The following BCAT1 variants were observed in gnomAD, a reference collection of about 807,000 sequenced individuals.
The protein encoded by BCAT1 is branched-chain-amino-acid aminotransferase, cytosolic.
BCAT1 carries 48 observed loss-of-function variants against 52.4 expected under a neutral mutation model. The observed-to-expected ratio is 0.92, with a 90% CI of 0.73 to 1.16. BCAT1 has a LOEUF of 1.16. Ranked by LOEUF, BCAT1 falls within the 50% of genes most tolerant of loss-of-function variation. BCAT1 has a pLI of 0.00. For synonymous variants in BCAT1, 167 were observed against 161.3 expected, an observed-to-expected ratio of 1.04 and a Z score of -0.27; for missense variants, 451 against 457.1, an observed-to-expected ratio of 0.99 and a Z score of 0.12.
chr12:24,815,892 T>C lies in BCAT1; in HGVS notation c.*2116A>G, dbSNP rs1434134390. 1 of 152,174 alleles carries C rather than the reference T, an allele frequency of 6.6e-6. No individual in the cohort carries two copies. Among genetic ancestry groups the C allele is most frequent in the African/African-American group, 2.4e-5 (1 of 41,436 alleles). The allele number at this position is 152,174 out of a possible 1,614,324, so 9.4% of individuals were successfully genotyped here. ...TTCTCATTTCTCATAGGAATAGAAATTTAGTTACTATGTACCACTAGACAG... is the reference window on the plus strand; with the variant it reads ...TTCTCATTTCTCATAGGAATAGAAACTTAGTTACTATGTACCACTAGACAG... On this transcript the variant is annotated 3_prime_UTR_variant, in exon 11 of 11. Coordinates refer to ENST00000261192, the MANE Select transcript of BCAT1 (RefSeq NM_005504.7).
At chr12:24,912,498 T>C (rs899407570) in intron 1 of BCAT1, among the ~76,000 whole-genome samples, 2 of 152,056 alleles carry the variant, frequency 1.3e-5, no homozygotes, top group Admixed American at 1.3e-4. Context: ...CCAGCCTGGG[T>C]GACAGAGTGA....
intron 1 of BCAT1, chr12:24,945,809 G>T (rs2139771029): frequency 6.6e-6 from 1 of 152,236 alleles, no homozygotes; most frequent in Non-Finnish European, 1.5e-5. Context: ...GAACAACACA[G>T]TGAGATTCTG....
intron 1 of BCAT1, among the ~76,000 whole-genome samples, chr12:24,933,704 A>G (rs927114955): frequency 2.0e-5 from 3 of 152,082 alleles, no homozygotes; most frequent in South Asian, 2.1e-4. Flanking sequence ...CAGAACAGAC[A>G]CACACAGGGA....
At chr12:24,860,458 T>C (rs957393441) in intron 5 of BCAT1, among the ~76,000 whole-genome samples, 2 of 152,212 alleles carry the variant, frequency 1.3e-5, no homozygotes, top group Non-Finnish European at 2.9e-5. Flanking sequence ...TGAGAAAACT[T>C]TGGAGCATAT....
intron 5 of BCAT1, among the ~76,000 whole-genome samples, chr12:24,860,919 A>C (rs537807839): frequency 1.5e-4 from 23 of 152,336 alleles, no homozygotes; most frequent in African/African-American, 5.3e-4. Flanking sequence ...CTTATGGAAC[A>C]AAGTTACATC....
At chr12:24,890,674 T>C (rs1390079593) in intron 3 of BCAT1, among the ~76,000 whole-genome samples, 1 of 152,114 alleles carries the variant, frequency 6.6e-6, no homozygotes, top group Non-Finnish European at 1.5e-5. Context: ...AACCCTCAGT[T>C]CCAGGAATTG....
At position 24,829,874 on chromosome 12, in the gene BCAT1, C is replaced by T. The variant is rs1159296877; in HGVS notation, c.1068G>A (p.Glu356=). 2 of 1,611,050 alleles carry T rather than the reference C, an allele frequency of 1.2e-6. No homozygotes were observed. Among genetic ancestry groups the T allele is most frequent in the Admixed American group, 3.3e-5 (2 of 59,780 alleles). The change falls in exon 10 of 11, where the codon GAG becomes GAA. Residue 356 remains glutamate, a synonymous_variant. Coordinates refer to ENST00000261192, the MANE Select transcript of BCAT1 (RefSeq NM_005504.7). The part of the protein sequence containing the change: ...KGETIHIPTM[E]NGPKLASRIL... ...TGCGGCTTGCCAGCTTAGGACCATTCTCCATAGTTGGAATGTGTATTGTCT... is the reference window on the plus strand; with the variant it reads ...TGCGGCTTGCCAGCTTAGGACCATTTTCCATAGTTGGAATGTGTATTGTCT...
intron 5 of BCAT1, among the ~76,000 whole-genome samples, chr12:24,861,718 T>A (rs926074127): frequency 6.6e-6 from 1 of 152,160 alleles, no homozygotes; most frequent in Non-Finnish European, 1.5e-5. Flanking sequence ...CCATCTTGAA[T>A]AGGGGATAGA....
chr12:24,885,573 T>C (rs1298736334), intron 3 of BCAT1, among the ~76,000 whole-genome samples: 2 of 151,968 alleles, frequency 1.3e-5, no homozygotes, highest in Non-Finnish European at 2.9e-5. Context: ...AATCTAAAAA[T>C]TATATGGAAA....
intron 5 of BCAT1, among the ~76,000 whole-genome samples, chr12:24,858,683 A>C (rs1941763246): frequency 6.6e-6 from 1 of 152,210 alleles, no homozygotes; most frequent in South Asian, 2.1e-4. Flanking sequence ...CTTTTCACCA[A>C]ATATAAAAGT....
chr12:24,941,326 G>A (rs73065565), intron 1 of BCAT1, among the ~76,000 whole-genome samples: 5,891 of 152,256 alleles, frequency 0.039, 124 homozygotes, highest in South Asian at 0.066. Flanking sequence ...ATATGAGTCT[G>A]GCAATAGGCA....
chr12:24,945,367 T>C (rs1013758149), intron 1 of BCAT1: 52 of 152,190 alleles, frequency 3.4e-4, no homozygotes, highest in African/African-American at 1.2e-3. Flanking sequence ...TACAATCCCA[T>C]TGCAGTGGCC....
chr12:24,828,983 G>A (rs1940524739), intron 10 of BCAT1, among the ~76,000 whole-genome samples: 1 of 151,528 alleles, frequency 6.6e-6, no homozygotes, highest in African/African-American at 2.4e-5. Context: ...CTCCAGCCTG[G>A]GTGACACAGC....
intron 10 of BCAT1, among the ~76,000 whole-genome samples, chr12:24,827,227 T>C (rs1233137200): frequency 6.6e-6 from 1 of 152,174 alleles, no homozygotes; most frequent in Admixed American, 6.5e-5. Context: ...CTATTTGTGT[T>C]CTTTATTTGA....
rs1943125813 is a variant in BCAT1, at chr12:24,902,211, A to G, written c.7-326T>C. 4 of 1,423,098 alleles carry G rather than the reference A, an allele frequency of 2.8e-6. No homozygotes were observed. The Admixed American group carries it at 1.2e-4, about 42-fold the overall frequency. 88.2% of individuals were successfully genotyped at this position (1,423,098 alleles called of 1,614,324 possible). A position where few individuals can be genotyped will look rare whatever the true frequency, so the allele number is the denominator to read the frequency against. On this transcript the variant is annotated intron_variant, in intron 1 of 10. Transcript: ENST00000261192. The stretch of plus-strand genomic sequence containing the variant: ...ACAAAAAAACAATTGTCTCCCTTAT[A>G]TCCGAGCAAATAGTCTAGACTGGGG...
At chr12:24,922,587 T>C (rs1382645627) in intron 1 of BCAT1, among the ~76,000 whole-genome samples, 3 of 152,142 alleles carry the variant, frequency 2.0e-5, no homozygotes, top group Non-Finnish European at 4.4e-5. Flanking sequence ...AGGATAAAAA[T>C]TATGGCCAGG....
intron 9 of BCAT1, chr12:24,830,595 C>G (rs1940621257): frequency 6.6e-6 from 1 of 152,124 alleles, no homozygotes; most frequent in Non-Finnish European, 1.5e-5. Flanking sequence ...ATATTATACC[C>G]TTTAGTATAA....
At chr12:24,942,563 G>T (rs1299832889) in intron 1 of BCAT1, among the ~76,000 whole-genome samples, 1 of 150,598 alleles carries the variant, frequency 6.6e-6, no homozygotes, top group Non-Finnish European at 1.5e-5. Context: ...AAAAAAAGAT[G>T]GCTGGACTTG....
At chr12:24,916,588 G>T (rs1331332898) in intron 1 of BCAT1, among the ~76,000 whole-genome samples, 2 of 152,162 alleles carry the variant, frequency 1.3e-5, no homozygotes, top group Non-Finnish European at 2.9e-5. Flanking sequence ...CCCCTAGGCT[G>T]GAGCGCAGTG....
Sources: allele counts gnomAD v4.1 joint callset (sites outside exome capture counted in the v4.1 genomes callset), GRCh38; gene constraint gnomAD v4.1.1; transcripts MANE v1.5; gene names NCBI Gene and HGNC (gene_info 2026-07-23, HGNC 2026-07-21).